The following PPP2R5E variants were observed in gnomAD, a reference collection of about 807,000 sequenced individuals.
The protein encoded by PPP2R5E is protein phosphatase 2 regulatory subunit B'epsilon, also known as serine/threonine-protein phosphatase 2A 56 kDa regulatory subunit epsilon isoform.
In PPP2R5E, 4 loss-of-function variants were observed where a neutral mutation model predicts 65.3. The observed-to-expected ratio is 0.06, with a 90% CI of 0.03 to 0.14. The LOEUF (loss-of-function observed/expected upper bound fraction) is 0.14. PPP2R5E is among the 10% of genes least tolerant of loss of function. The probability of loss-of-function intolerance (pLI) is 1.00; values close to 1 mark genes in which losing one functional copy is unlikely to be tolerated. For missense variants in PPP2R5E, 274 were observed against 556.1 expected, an observed-to-expected ratio of 0.49 and a Z score of 5.10; for synonymous variants, 183 against 187.4, an observed-to-expected ratio of 0.98 and a Z score of 0.19.
intron 3 of PPP2R5E, among the ~76,000 whole-genome samples, chr14:63,444,159 C>A (rs529503309): frequency 4.7e-4 from 71 of 152,356 alleles, no homozygotes; most frequent in African/African-American, 1.7e-3. Context: ...CTCCCACTCT[C>A]CAACACACAT....
chr14:63,512,010 C>A (rs1892473278), intron 2 of PPP2R5E, among the ~76,000 whole-genome samples: 1 of 141,464 alleles, frequency 7.1e-6, no homozygotes, highest in Non-Finnish European at 1.5e-5. Flanking sequence ...ACCTGGAAGG[C>A]AGAGGTTGCA....
chr14:63,421,803 C>T (rs1197789377), intron 4 of PPP2R5E, among the ~76,000 whole-genome samples, 190 bp downstream of exon 4: 1 of 152,188 alleles, frequency 6.6e-6, no homozygotes, highest in Non-Finnish European at 1.5e-5. Context: ...TAAAGCATCA[C>T]ACTGACACTA....
chr14:63,379,214 G>C lies in PPP2R5E; in HGVS notation c.1304+2842C>G, dbSNP rs536538594. On this transcript the variant is annotated intron_variant, in intron 13 of 13. Transcript: ENST00000337537. ...CTGCTAATTTTTTGTAGTTTTAGTA[G>C]AGACGGGGTTTCACCATGTTAGCCA... Among the ~76,000 whole-genome samples the C allele has an allele frequency of 2.0e-5, 3 of 151,984 alleles. 1 individual carries two copies. The highest frequency in any genetic ancestry group is 7.2e-5 in the African/African-American group (3 of 41,454).
rs1301111584 is a variant in PPP2R5E, at chr14:63,466,289, A to C, written c.158-12404T>G. Among the ~76,000 whole-genome samples the C allele has an allele frequency of 3.3e-5, 5 of 151,838 alleles. No homozygotes were observed. The East Asian group carries it at 9.7e-4, about 29-fold the overall frequency. ...TTAAAAATACAAAAAAAAAAAAACA[A>C]CAACAAGAGTCAATCCAATGTTGCA... On this transcript the variant is annotated intron_variant, in intron 2 of 13. Transcript: ENST00000337537.
At chr14:63,534,373 T>C (rs140105962) in intron 2 of PPP2R5E, among the ~76,000 whole-genome samples, 1,821 of 152,200 alleles carry the variant, frequency 0.012, 31 homozygotes, top group African/African-American at 0.042. Context: ...CAAGTGATTC[T>C]CCTGCCTCAG....
intron 3 of PPP2R5E, among the ~76,000 whole-genome samples, chr14:63,431,436 T>C (rs1887666580): frequency 6.6e-6 from 1 of 152,234 alleles, no homozygotes; most frequent in African/African-American, 2.4e-5. Flanking sequence ...ATAATTATAA[T>C]TTTCAGACAT....
chr14:63,461,142 T>C (rs1889434651), intron 2 of PPP2R5E, among the ~76,000 whole-genome samples: 1 of 152,224 alleles, frequency 6.6e-6, no homozygotes, highest in Admixed American at 6.5e-5. Flanking sequence ...TCAATGTCTT[T>C]ATTAGTAATT....
chr14:63,528,412 G>A (rs1020310519), intron 2 of PPP2R5E, among the ~76,000 whole-genome samples: 2 of 152,116 alleles, frequency 1.3e-5, no homozygotes, highest in Non-Finnish European at 2.9e-5. Context: ...TGGACTTAAC[G>A]TCTTAACTTT....
At chr14:63,449,092 C>T (rs940756027) in intron 3 of PPP2R5E, among the ~76,000 whole-genome samples, 1 of 152,232 alleles carries the variant, frequency 6.6e-6, no homozygotes, top group Non-Finnish European at 1.5e-5. Context: ...CATCATTACT[C>T]ATCCTGGTTT....
intron 13 of PPP2R5E, 40 bp from the exon 14 acceptor site, chr14:63,376,148 T>C (rs751076483): frequency 7.4e-6 from 10 of 1,350,004 alleles, no homozygotes; most frequent in East Asian, 2.3e-5. Context: ...AGCTGAGGTT[T>C]AATGAGATTA....
At chr14:63,407,794 T>C (rs1291071702) in intron 5 of PPP2R5E, among the ~76,000 whole-genome samples, 1 of 152,164 alleles carries the variant, frequency 6.6e-6, no homozygotes, top group Non-Finnish European at 1.5e-5. Context: ...CCCTCATAAA[T>C]AGATTAATGC....
chr14:63,462,933 T>A (rs1380378019), intron 2 of PPP2R5E, among the ~76,000 whole-genome samples: 1 of 151,410 alleles, frequency 6.6e-6, no homozygotes, highest in African/African-American at 2.4e-5. Context: ...AGAAACTCTA[T>A]CTCTACTAAA....
At chr14:63,454,392 A>T (rs1889010571) in intron 2 of PPP2R5E, among the ~76,000 whole-genome samples, 1 of 152,276 alleles carries the variant, frequency 6.6e-6, no homozygotes, top group East Asian at 1.9e-4. Flanking sequence ...CTTGATCTGT[A>T]TGAAGTTTCT....
At chr14:63,512,827 T>G (rs1892516678) in intron 2 of PPP2R5E, among the ~76,000 whole-genome samples, 1 of 151,480 alleles carries the variant, frequency 6.6e-6, no homozygotes, top group South Asian at 2.1e-4. Context: ...CCTCCCTACC[T>G]ATAAATGTTC....
intron 10 of PPP2R5E, among the ~76,000 whole-genome samples, chr14:63,389,963 A>G (rs770655095): frequency 6.6e-6 from 1 of 152,136 alleles, no homozygotes; most frequent in Non-Finnish European, 1.5e-5. Flanking sequence ...CTTGGTATAT[A>G]TATTACATAG....
At chr14:63,513,168 T>A (rs1892530186) in intron 2 of PPP2R5E, among the ~76,000 whole-genome samples, 1 of 152,034 alleles carries the variant, frequency 6.6e-6, no homozygotes, top group African/African-American at 2.4e-5. Flanking sequence ...TGGAAATGAG[T>A]CTTCAGGAAG....
At chr14:63,519,507 A>ATT (rs557285871) in intron 2 of PPP2R5E, among the ~76,000 whole-genome samples, 5,726 of 124,262 alleles carry the variant, frequency 0.046, 515 homozygotes, top group African/African-American at 0.17. Flanking sequence ...TGCCCAGCTA[A>ATT]TTTTTTTTTT....
chr14:63,435,105 G>A lies in PPP2R5E; in HGVS notation c.355-13011C>T, dbSNP rs534769908. On this transcript the variant is annotated intron_variant, in intron 3 of 13. Coordinates refer to ENST00000337537, the MANE Select transcript of PPP2R5E (RefSeq NM_006246.5). ...CAAGGAAAAACAGGAAAGAGCAAAA[G>A]GGGAATTTTCTGGGGAGATGACAAT... Among the ~76,000 whole-genome samples the A allele has an allele frequency of 5.9e-4, 90 of 152,244 alleles. 1 individual carries two copies. Among genetic ancestry groups the A allele is most frequent in the African/African-American group, 2.0e-3 (85 of 41,556 alleles).
At chr14:63,409,816 T>C (rs570877637) in intron 5 of PPP2R5E, among the ~76,000 whole-genome samples, 3 of 152,230 alleles carry the variant, frequency 2.0e-5, no homozygotes, top group Admixed American at 2.0e-4. Context: ...TCATTTATCC[T>C]GTTATCCCAT....
Sources: gnomAD v4.1 joint callset for allele counts (sites outside exome capture counted in the v4.1 genomes callset) on GRCh38, gnomAD v4.1.1 for gene constraint, MANE v1.5 for transcripts, NCBI Gene and HGNC (gene_info 2026-07-23, HGNC 2026-07-21) for gene names.